Variants in GLUD1 observed in about 807,000 individuals in gnomAD.
GLUD1 encodes glutamate dehydrogenase 1, mitochondrial.
Under a neutral mutation model 56.0 loss-of-function variants are expected in GLUD1, and 22 were observed. That is an observed-to-expected ratio of 0.39 (90% CI 0.28 to 0.56). GLUD1 has a LOEUF of 0.56. Ranked by LOEUF, GLUD1 falls within the 20% of genes least tolerant of loss-of-function variation. The pLI, the probability that GLUD1 is intolerant of heterozygous loss-of-function variation, is 0.58. For missense variants in GLUD1, 451 were observed against 732.0 expected (o/e 0.62, Z 4.43); for synonymous variants, 223 against 269.9 (o/e 0.83, Z 1.70).
In GLUD1 at chr10:87,060,317, A is replaced by G. The variant is rs1188883384; in HGVS notation, c.1198-76T>C. 4 of 944,612 alleles carry G rather than the reference A, an allele frequency of 4.2e-6. No individual in the cohort carries two copies. In the East Asian group the frequency reaches 9.5e-5, roughly 23 times the overall value. The allele number at this position is 944,612 out of a possible 1,614,324, so 58.5% of individuals were successfully genotyped here. On this transcript the variant is annotated intron_variant, in intron 8 of 12. Coordinates refer to ENST00000277865, the MANE Select transcript of GLUD1 (RefSeq NM_005271.5). Reference sequence around the variant, plus strand: ...CCTCCACTGAGGGCAAGAGATGTGCATATATGAACAAGGGGCTGTGGGGAG... The same window carrying G: ...CCTCCACTGAGGGCAAGAGATGTGCGTATATGAACAAGGGGCTGTGGGGAG...
chr10:87,086,080 G>A (rs1368319641), intron 1 of GLUD1, among the ~76,000 whole-genome samples: 1 of 152,154 alleles, frequency 6.6e-6, no homozygotes, highest in African/African-American at 2.4e-5. Flanking sequence ...ACAAGTCTAC[G>A]TGATAATTTG....
At chr10:87,081,946 C>CAAAAAA (rs71019464) in intron 1 of GLUD1, among the ~76,000 whole-genome samples, 36 of 85,540 alleles carry the variant, frequency 4.2e-4, no homozygotes, top group East Asian at 9.6e-4. Flanking sequence ...ATGATCAATA[C>CAAAAAA]AAAAAAAAAA....
intron 2 of GLUD1, 56 bp from the exon 3 acceptor site, chr10:87,076,079 A>G: frequency 2.5e-6 from 3 of 1,186,668 alleles, no homozygotes; most frequent in Non-Finnish European, 3.7e-6. Flanking sequence ...AAGTAAAATG[A>G]CAGAAAGCAC....
chr10:87,080,557 C>T (rs1168333662), intron 1 of GLUD1, among the ~76,000 whole-genome samples: 15 of 151,856 alleles, frequency 9.9e-5, no homozygotes, highest in African/African-American at 3.4e-4. Flanking sequence ...GGCCGCCCAT[C>T]GTCTGCGATG....
intron 1 of GLUD1, among the ~76,000 whole-genome samples, chr10:87,079,700 G>A (rs1784094720): frequency 6.6e-6 from 1 of 152,112 alleles, no homozygotes; most frequent in Admixed American, 6.5e-5. Flanking sequence ...CCTGCAAGTG[G>A]TCAAACAGGC....
intron 1 of GLUD1, among the ~76,000 whole-genome samples, chr10:87,083,612 C>T (rs1039331333): frequency 1.3e-5 from 2 of 152,114 alleles, no homozygotes; most frequent in Non-Finnish European, 2.9e-5. Context: ...AACAGGGGCA[C>T]AGAACAGAAA....
intron 1 of GLUD1, among the ~76,000 whole-genome samples, chr10:87,088,092 C>A (rs1357337458): frequency 6.7e-6 from 1 of 149,474 alleles, no homozygotes; most frequent in East Asian, 1.9e-4. Flanking sequence ...AAAAAAAAAA[C>A]AAACAAAAAA....
intron 2 of GLUD1, 71 bp from the exon 3 acceptor site, chr10:87,076,094 C>T: frequency 1.9e-6 from 2 of 1,035,884 alleles, no homozygotes; most frequent in African/African-American, 1.6e-5. Context: ...AAGCACCACA[C>T]AATATTAGAG....
intron 5 of GLUD1, among the ~76,000 whole-genome samples, chr10:87,064,434 A>G (rs1846022306): frequency 6.6e-6 from 1 of 152,202 alleles, no homozygotes; most frequent in South Asian, 2.1e-4. Flanking sequence ...ATGAAAATTC[A>G]TATAAAATTT....
chr10:87,065,379 T>C (rs1405498335), intron 5 of GLUD1, among the ~76,000 whole-genome samples: 1 of 151,990 alleles, frequency 6.6e-6, no homozygotes, highest in Admixed American at 6.6e-5. Flanking sequence ...AGTGCTGGGA[T>C]TACAGGCGTG....
chr10:87,080,819 C>T (rs1481273858), intron 1 of GLUD1, among the ~76,000 whole-genome samples: 2 of 151,474 alleles, frequency 1.3e-5, no homozygotes, highest in Non-Finnish European at 2.9e-5. Context: ...CCTCTCCGCC[C>T]GGCAGCCGAC....
chr10:87,089,406 CAG>C (rs1841461083), intron 1 of GLUD1, among the ~76,000 whole-genome samples: 2 of 152,236 alleles, frequency 1.3e-5, no homozygotes, highest in Non-Finnish European at 2.9e-5. Flanking sequence ...TCAGGGACAA[CAG>C]TGTATTGCAT....
At chr10:87,072,756 G>A (rs1159216687) in intron 4 of GLUD1, among the ~76,000 whole-genome samples, 1 of 152,178 alleles carries the variant, frequency 6.6e-6, no homozygotes, top group African/African-American at 2.4e-5. Flanking sequence ...AAATATGACT[G>A]AATAAAGTCT....
At position 87,084,820 on chromosome 10, in the gene GLUD1, A is replaced by G. The variant is rs140391791; in HGVS notation, c.446-8164T>C. ...AACAACTCTTAATATTTATAAGTTA[A>G]CACTCTTGCCACTTACTCATCAGAT... On this transcript the variant is annotated intron_variant, in intron 1 of 12. Transcript: ENST00000277865. Among the ~76,000 whole-genome samples the G allele has an allele frequency of 1.1e-3, 160 of 152,346 alleles. 1 individual carries two copies. The East Asian group carries it at 0.026, about 25-fold the overall frequency.
chr10:87,062,628 A>C (rs1564766695), intron 6 of GLUD1, 28 bp downstream of exon 6: 2 of 1,564,470 alleles, frequency 1.3e-6, no homozygotes, highest in Non-Finnish European at 1.8e-6. Flanking sequence ...TCAGTTATTA[A>C]GGAAACTTTT....
chr10:87,056,138 A>T (rs1314351754), intron 11 of GLUD1, among the ~76,000 whole-genome samples: 1 of 149,954 alleles, frequency 6.7e-6, no homozygotes, highest in Non-Finnish European at 1.5e-5. Context: ...AAAAAAAAAA[A>T]AACCAAAAAA....
chr10:87,059,470 A>G (rs1845873340), intron 9 of GLUD1, among the ~76,000 whole-genome samples, 197 bp from the exon 10 acceptor site: 1 of 84,812 alleles, frequency 1.2e-5, no homozygotes, highest in Admixed American at 1.3e-4. Flanking sequence ...GGCTTTTTCT[A>G]TTTAGGAAAA....
chr10:87,074,356 C>T (rs1363272681), intron 4 of GLUD1, among the ~76,000 whole-genome samples, 195 bp downstream of exon 4: 4 of 152,080 alleles, frequency 2.6e-5, no homozygotes, highest in Non-Finnish European at 4.4e-5. Flanking sequence ...CAAAAATCAG[C>T]TGGGTGTGGT....
At chr10:87,068,180 G>T in intron 4 of GLUD1, 23 bp from the exon 5 acceptor site, 1 of 1,439,712 alleles carries the variant, frequency 6.9e-7, no homozygotes, top group Non-Finnish European at 9.8e-7. Flanking sequence ...AGGGAAAGAG[G>T]AGTGCACCAG....
Sources: allele counts gnomAD v4.1 joint callset (sites outside exome capture counted in the v4.1 genomes callset), GRCh38; gene constraint gnomAD v4.1.1; transcripts MANE v1.5; gene names NCBI Gene and HGNC (gene_info 2026-07-23, HGNC 2026-07-21).